Variants in DPP10 observed in about 807,000 individuals in gnomAD.
DPP10 encodes the protein inactive dipeptidyl peptidase 10.
Under a neutral mutation model 120.9 loss-of-function variants are expected in DPP10, and 33 were observed. The observed-to-expected ratio is 0.27, with a 90% confidence interval of 0.21 to 0.37. DPP10 has a LOEUF of 0.37. Among genes scored for constraint, DPP10 ranks in the 10% least tolerant of loss-of-function variants. The pLI, the probability that DPP10 is intolerant of heterozygous loss-of-function variation, is 1.00. For missense variants in DPP10, 816 were observed against 942.8 expected (o/e 0.87, Z 1.76); for synonymous variants, 337 against 326.1 (o/e 1.03, Z -0.36).
chr2:115,125,786 G>T (rs1238904478), intron 1 of DPP10, among the ~76,000 whole-genome samples: 1 of 151,720 alleles, frequency 6.6e-6, no homozygotes, highest in Admixed American at 6.6e-5. Context: ...GTTTCACCAC[G>T]TTAGCCAGGA....
intron 1 of DPP10, among the ~76,000 whole-genome samples, chr2:114,918,072 C>G (rs1694934265): frequency 6.6e-6 from 1 of 152,024 alleles, no homozygotes; most frequent in South Asian, 2.1e-4. Context: ...GGTCTAATAT[C>G]AAGTCTATAG....
intron 1 of DPP10, among the ~76,000 whole-genome samples, chr2:115,183,998 G>A (rs1374182276): frequency 6.6e-6 from 1 of 152,058 alleles, no homozygotes; most frequent in Admixed American, 6.6e-5. Flanking sequence ...AAACTAACAG[G>A]CCAGAGTGTT....
At chr2:114,948,443 G>T (rs1246892827) in intron 1 of DPP10, among the ~76,000 whole-genome samples, 3 of 152,018 alleles carry the variant, frequency 2.0e-5, no homozygotes, top group Admixed American at 1.3e-4. Context: ...CAGCTGTCTT[G>T]AATTGTTGTC....
chr2:115,507,667 A>G (rs1258153074), intron 4 of DPP10, among the ~76,000 whole-genome samples: 1 of 152,172 alleles, frequency 6.6e-6, no homozygotes, highest in Admixed American at 6.5e-5. Context: ...GGAAAGATTT[A>G]TACTGAGTTT....
chr2:115,251,971 A>G (rs945895524), intron 1 of DPP10, among the ~76,000 whole-genome samples: 9 of 152,216 alleles, frequency 5.9e-5, no homozygotes, highest in African/African-American at 2.2e-4. Flanking sequence ...AATTGCTACC[A>G]GACAATCTCT....
chr2:115,537,635 A>T (rs965549411), intron 5 of DPP10, among the ~76,000 whole-genome samples: 1 of 144,894 alleles, frequency 6.9e-6, no homozygotes, highest in Non-Finnish European at 1.5e-5. Context: ...GCAGTAGTAT[A>T]TTAGGAAAAT....
intron 3 of DPP10, among the ~76,000 whole-genome samples, chr2:115,469,544 G>A (rs980620337): frequency 6.6e-6 from 1 of 152,142 alleles, no homozygotes; most frequent in East Asian, 1.9e-4. Flanking sequence ...TCCCTTCAGA[G>A]GTTCTACGAT....
At chr2:115,703,941 T>C (rs1220545846) in intron 7 of DPP10, among the ~76,000 whole-genome samples, 1 of 152,024 alleles carries the variant, frequency 6.6e-6, no homozygotes, top group Non-Finnish European at 1.5e-5. Flanking sequence ...TTTAGTAGCT[T>C]ATTTTCTAAA....
In DPP10 at chr2:115,727,823, T is replaced by C. The variant is rs2149639275; in HGVS notation, c.584T>C (p.Ile195Thr). The change falls in exon 8 of 26, where the codon ATT (isoleucine) becomes ACT (threonine). Residue 195 changes from isoleucine (I) to threonine (T), a missense_variant. Physicochemically the swap from Ile to Thr is moderately conservative, Grantham distance 89. Transcript: ENST00000410059. ...WGVQGQQLIY[I>T]FENNIYYQPD... ...TCACATTTCCTGATCCAGATTTATATTTTTGAAAATAATATCTACTATCAA... is the reference window on the plus strand; with the variant it reads ...TCACATTTCCTGATCCAGATTTATACTTTTGAAAATAATATCTACTATCAA... The C allele has an allele frequency of 6.3e-7, 1 of 1,584,894 alleles. No individual in the cohort carries two copies. The highest frequency in any genetic ancestry group is 1.7e-4 in the Middle Eastern group (1 of 5,964).
rs58796386 is a variant in DPP10 at position 114,570,836 on chromosome 2, TAAAAAAAAAA to T, written c.60+128013_60+128022del. On this transcript the variant is annotated intron_variant, in intron 1 of 25. Coordinates refer to ENST00000410059, the MANE Select transcript of DPP10 (RefSeq NM_020868.6). ...TGACAGAGTGAGACTCTGTCTCAAA[TAAAAAAAAAA>T]AAAAAAAAAAAAAAGAAAAGTAGAT... Among the ~76,000 whole-genome samples, 18 of 57,830 alleles carry T rather than the reference TAAAAAAAAAA, an allele frequency of 3.1e-4. No homozygotes were observed. The Admixed American group carries it at 3.9e-3, about 13-fold the overall frequency. The allele number at this position is 57,830 out of a possible 152,430, so 37.9% of individuals were successfully genotyped here. A position where few individuals can be genotyped will look rare whatever the true frequency, so the allele number is the denominator to read the frequency against.
In DPP10 at chr2:115,086,921, T is replaced by C. The variant is rs542770730; in HGVS notation, c.61-222318T>C. ...GTCTCAGAATAAATCTCTTCAAATA[T>C]TTTACAGGGCTTGACTATTTTCGTC... On this transcript the variant is annotated intron_variant, in intron 1 of 25. Coordinates refer to ENST00000410059, the MANE Select transcript of DPP10 (RefSeq NM_020868.6). 3.3e-5 allele frequency among the ~76,000 whole-genome samples: 5 copies of C among 152,334 alleles called. No homozygotes were observed. The East Asian group carries it at 9.6e-4, about 29-fold the overall frequency.
intron 1 of DPP10, among the ~76,000 whole-genome samples, chr2:115,005,385 G>C (rs1208010516): frequency 6.6e-6 from 1 of 152,162 alleles, no homozygotes; most frequent in Non-Finnish European, 1.5e-5. Context: ...TTGACGAGCT[G>C]AGAGAAGAAG....
intron 1 of DPP10, among the ~76,000 whole-genome samples, chr2:115,096,398 A>T (rs552737878): frequency 1.3e-5 from 2 of 152,328 alleles, no homozygotes; most frequent in East Asian, 3.9e-4. Context: ...ATGTACAAAT[A>T]TATGAAGTTT....
At chr2:114,800,740 G>A (rs1215854504) in intron 1 of DPP10, among the ~76,000 whole-genome samples, 5 of 152,148 alleles carry the variant, frequency 3.3e-5, no homozygotes. Context: ...GCTTGAAAAA[G>A]TAACTTTAGG....
At chr2:114,702,823 C>G (rs1700462942) in intron 1 of DPP10, among the ~76,000 whole-genome samples, 1 of 152,112 alleles carries the variant, frequency 6.6e-6, no homozygotes, top group Admixed American at 6.6e-5. Context: ...TCAGACCAAC[C>G]AGCTGAGTGG....
intron 1 of DPP10, among the ~76,000 whole-genome samples, chr2:114,478,028 T>C (rs72840614): frequency 0.031 from 4,723 of 151,280 alleles, 129 homozygotes; most frequent in Middle Eastern, 0.062. Flanking sequence ...GATGATAGAT[T>C]ATTGAGTAAC....
intron 16 of DPP10, among the ~76,000 whole-genome samples, chr2:115,781,487 G>A (rs572947158): frequency 6.6e-6 from 1 of 151,908 alleles, no homozygotes; most frequent in African/African-American, 2.4e-5. Flanking sequence ...GTAACAATAT[G>A]CGTAGTCTTA....
chr2:114,450,058 A>G (rs1046899388), intron 1 of DPP10, among the ~76,000 whole-genome samples: 1 of 152,130 alleles, frequency 6.6e-6, no homozygotes, highest in African/African-American at 2.4e-5. Flanking sequence ...CCAAAATGGA[A>G]AATACCTGGG....
At chr2:114,699,121 C>T (rs1043066228) in intron 1 of DPP10, among the ~76,000 whole-genome samples, 1 of 152,084 alleles carries the variant, frequency 6.6e-6, no homozygotes, top group Non-Finnish European at 1.5e-5. Flanking sequence ...CATGAAACTA[C>T]AAACCATTAA....
Sources: allele counts gnomAD v4.1 joint callset (sites outside exome capture counted in the v4.1 genomes callset), GRCh38; gene constraint gnomAD v4.1.1; transcripts MANE v1.5; gene names NCBI Gene and HGNC (gene_info 2026-07-23, HGNC 2026-07-21).